The following SLC49A3 variants were observed in gnomAD, a reference collection of about 807,000 sequenced individuals.
SLC49A3 encodes solute carrier family 49 member 3, also known as solute carrier family 49 member A3.
SLC49A3 carries 50 observed loss-of-function variants against 43.8 expected under a neutral mutation model. The ratio of observed to expected loss-of-function variants is 1.14; its 90% CI spans 0.91 to 1.45. SLC49A3 has a LOEUF of 1.45. Ranked by LOEUF, SLC49A3 falls within the 40% of genes most tolerant of loss-of-function variation. The pLI, the probability that SLC49A3 is intolerant of heterozygous loss-of-function variation, is 0.00. For missense variants in SLC49A3, 906 were observed against 774.1 expected (o/e 1.17, Z -2.02); for synonymous variants, 413 against 352.0 (o/e 1.17, Z -1.94).
chr4:684,179 G>A (rs1740499146), intron 6 of SLC49A3, among the ~76,000 whole-genome samples: 1 of 152,340 alleles, frequency 6.6e-6, no homozygotes, highest in Admixed American at 6.5e-5. Flanking sequence ...GACCCACAGG[G>A]GCGGGGCCTT....
At chr4:680,980 G>C (rs1427814927), downstream of SLC49A3, 4 of 1,204,652 alleles carry the variant, frequency 3.3e-6, no homozygotes, top group African/African-American at 6.0e-5. Context: ...AGCGGGAAGG[G>C]CGGGAGTGCA....
rs1309267940 is a variant in SLC49A3, at chr4:684,548, T to C, written c.775A>G (p.Ile259Val). 1 of 1,613,092 alleles carries C rather than the reference T, an allele frequency of 6.2e-7. No homozygotes were observed. Among genetic ancestry groups the C allele is most frequent in the Non-Finnish European group, 8.5e-7 (1 of 1,179,928 alleles). ...VILAVCLGGM[I>V]GISASFSALL... ...GCTGAGAAGCTGGCAGAGATCCCGA[T>C]CATTCCCCCCAAGCACACAGCCAGG... is the stretch of plus-strand genomic sequence containing the variant. Residue 259 changes from isoleucine to valine, a missense_variant, in exon 6 of 10, where the codon ATC becomes GTC. Ile to Val is a conservative substitution (Grantham distance 29). Coordinates refer to ENST00000322224, the MANE Select transcript of SLC49A3 (RefSeq NM_032219.4).
In SLC49A3 at chr4:681,931, G is replaced by A. The variant is rs2228353; in HGVS notation, c.*27C>T. ...TCCAGTTCGCCTCCATCGATGTGGC[G>A]GGCAACCTGGACTACAAGGCGCTCA... On this transcript the variant is annotated 3_prime_UTR_variant, in exon 10 of 10. Transcript: ENST00000322224. 103 of 1,326,880 alleles carry A rather than the reference G, an allele frequency of 7.8e-5. 1 individual carries two copies. The African/African-American group carries it at 1.5e-3, about 19-fold the overall frequency. 82.2% of individuals were successfully genotyped at this position (1,326,880 alleles called of 1,614,324 possible). A position where few individuals can be genotyped will look rare whatever the true frequency, so the allele number is the denominator to read the frequency against.
rs139328194 is a variant in SLC49A3 at position 683,741 on chromosome 4, G to A, written c.861C>T (p.Gly287=). 26 of 1,572,102 alleles carry A rather than the reference G, an allele frequency of 1.7e-5. No homozygotes were observed. The highest frequency in any genetic ancestry group is 2.2e-5 in the Non-Finnish European group (25 of 1,158,394). ...GHSSGFSGLC[G]ALFITFGILG... is the part of the protein sequence containing the mutation. ...GGATCCCAAACGTGATGAAGAGAGC[G>A]CCACAGAGGCCGGAAAACCCCTGGA... The change falls in exon 7 of 10, where the codon GGC becomes GGT. Residue 287 remains glycine (G), a synonymous_variant. Coordinates refer to ENST00000322224, the MANE Select transcript of SLC49A3 (RefSeq NM_032219.4).
At chr4:678,797 AC>A, downstream of SLC49A3, 5 of 1,607,738 alleles carry the variant, frequency 3.1e-6, no homozygotes, top group Admixed American at 1.7e-5. Flanking sequence ...GGGAGCCCCC[AC>A]CCCCAGGAGC....
chr4:679,040 A>G (rs754823507), downstream of SLC49A3: 2 of 1,612,940 alleles, frequency 1.2e-6, no homozygotes, highest in Non-Finnish European at 1.7e-6. Context: ...CTGGGTAGGT[A>G]CCCAGGCAGA....
At chr4:688,686 C>G (rs187463760) in intron 1 of SLC49A3, among the ~76,000 whole-genome samples, 98 of 152,264 alleles carry the variant, frequency 6.4e-4, no homozygotes, top group African/African-American at 2.2e-3. Flanking sequence ...AGGGCCAACG[C>G]AGGGCCACCT....
At chr4:678,036 A>T, downstream of SLC49A3, 1 of 1,613,346 alleles carries the variant, frequency 6.2e-7, no homozygotes, top group Admixed American at 1.7e-5. Flanking sequence ...CATGGTGAGC[A>T]GGCCGCCGTG....
downstream of SLC49A3, chr4:678,846 C>T: frequency 1.2e-6 from 2 of 1,606,922 alleles, no homozygotes; most frequent in Non-Finnish European, 1.7e-6. Context: ...GGCTCCAGGG[C>T]CAGCAGGAGT....
chr4:688,255 G>A (rs576117119), intron 1 of SLC49A3, among the ~76,000 whole-genome samples: 2 of 152,198 alleles, frequency 1.3e-5, no homozygotes, highest in Non-Finnish European at 1.5e-5. Context: ...GGCCTGTCTC[G>A]GCCAGAGGCT....
chr4:678,166 A>G, downstream of SLC49A3: 2 of 1,542,998 alleles, frequency 1.3e-6, no homozygotes, highest in Non-Finnish European at 1.8e-6. Context: ...CTCTGCCTGC[A>G]TATGTGTGTG....
At chr4:686,790 T>C in intron 1 of SLC49A3, 100 bp from the exon 2 acceptor site, 2 of 1,449,494 alleles carry the variant, frequency 1.4e-6, no homozygotes, top group Non-Finnish European at 1.9e-6. Context: ...AGCAGCCCCG[T>C]GAGGCCGAGG....
Position 685,906 on chromosome 4 carries a change from G to T in SLC49A3, c.514C>A (p.Pro172Thr), listed in dbSNP as rs749974193. 7 of 1,613,976 alleles carry T rather than the reference G, an allele frequency of 4.3e-6. No homozygotes were observed. Among genetic ancestry groups the T allele is most frequent in the South Asian group, 1.1e-5 (1 of 91,074 alleles). Reference protein sequence around the residue: ...TANMLATMSNPLGVLVANVLS... With the variant: ...TANMLATMSNTLGVLVANVLS... ...ACATTGGCCACAAGGACGCCCAGAGGGTTCGCTGGGTGGGCGGATGCACAA... is the reference window on the plus strand; with the variant it reads ...ACATTGGCCACAAGGACGCCCAGAGTGTTCGCTGGGTGGGCGGATGCACAA... Residue 172 changes from proline (P) to threonine (T), a missense_variant, in exon 4 of 10, where the codon CCT (proline) becomes ACT (threonine). By Grantham distance (38) the Pro-to-Thr change is conservative. Coordinates refer to ENST00000322224, the MANE Select transcript of SLC49A3 (RefSeq NM_032219.4). This position sits in a 1 kb window ranked among gnomAD's most constrained non-coding sequence, Gnocchi z 4.3.
chr4:678,124 T>A (rs1004738705), downstream of SLC49A3: 1 of 1,569,050 alleles, frequency 6.4e-7, no homozygotes, highest in Non-Finnish European at 8.6e-7. Context: ...GGCGTGTCCG[T>A]GCTTGCGTGT....
chr4:678,050 G>A (rs1288532336), downstream of SLC49A3: 1 of 1,612,958 alleles, frequency 6.2e-7, no homozygotes, highest in Non-Finnish European at 8.5e-7. Context: ...CGCCGTGCAT[G>A]CCTGGGGCAG....
Position 681,864 on chromosome 4 carries a change from G to C in SLC49A3, c.*94C>G. On this transcript the variant is annotated 3_prime_UTR_variant, in exon 10 of 10. Coordinates refer to ENST00000322224, the MANE Select transcript of SLC49A3 (RefSeq NM_032219.4). The stretch of plus-strand genomic sequence containing the variant: ...CGCTTGTAATTCGCTCCCGGAGCCC[G>C]CAAGGAGCCCTTTCGCCCCCGCCCG... The C allele has an allele frequency of 7.6e-7, 1 of 1,307,266 alleles. No homozygotes were observed. Among genetic ancestry groups the C allele is most frequent in the Non-Finnish European group, 9.8e-7 (1 of 1,019,722 alleles). 81.0% of individuals were successfully genotyped at this position (1,307,266 alleles called of 1,614,324 possible).
chr4:677,925 GTGGCAGCCGGAGTC>G, downstream of SLC49A3: 1 of 1,597,430 alleles, frequency 6.3e-7, no homozygotes, highest in South Asian at 1.1e-5. Context: ...CTTGTAGGGA[GTGGCAGCCGGAGTC>G]TGAACTGTCC....
At chr4:680,158 G>T, downstream of SLC49A3, 1 of 850,278 alleles carries the variant, frequency 1.2e-6, no homozygotes, top group East Asian at 2.7e-5. Flanking sequence ...ACAACTGTGG[G>T]GCCCCGTCAG....
chr4:688,362 C>A (rs1286460571), intron 1 of SLC49A3, among the ~76,000 whole-genome samples: 1 of 152,164 alleles, frequency 6.6e-6, no homozygotes, highest in Non-Finnish European at 1.5e-5. Flanking sequence ...CCTGCCCCTG[C>A]CCCCGAGCTT....
Sources: allele counts gnomAD v4.1 joint callset (sites outside exome capture counted in the v4.1 genomes callset), GRCh38; gene constraint gnomAD v4.1.1; non-coding constraint Gnocchi (gnomAD v3.1); transcripts MANE v1.5; gene names NCBI Gene and HGNC (gene_info 2026-07-23, HGNC 2026-07-21).